Variants in CRYBG2 observed in about 807,000 individuals in gnomAD.
CRYBG2 encodes the protein crystallin beta-gamma domain containing 2.
A neutral mutation model predicts 153.4 loss-of-function variants in CRYBG2; 106 were observed. The observed-to-expected ratio is 0.69, with a 90% CI of 0.59 to 0.81. The LOEUF (loss-of-function observed/expected upper bound fraction) is 0.81, where lower values mean the gene tolerates loss of function less well. Ranked by LOEUF, CRYBG2 falls within the 30% of genes least tolerant of loss-of-function variation. The pLI is 0.00. For synonymous variants in CRYBG2, 851 were observed against 877.8 expected, an observed-to-expected ratio of 0.97 and a Z score of 0.54; for missense variants, 1,996 against 2,112.0, an observed-to-expected ratio of 0.95 and a Z score of 1.08.
intron 14 of CRYBG2, 127 bp downstream of exon 14, chr1:26,335,968 A>T: frequency 1.4e-6 from 1 of 705,252 alleles, no homozygotes; most frequent in Non-Finnish European, 2.2e-6. Flanking sequence ...ATTTTGTTTT[A>T]AAATTGCGCA....
intron 15 of CRYBG2, among the ~76,000 whole-genome samples, chr1:26,330,701 G>C (rs1221996441): frequency 7.9e-5 from 12 of 151,940 alleles, no homozygotes; most frequent in African/African-American, 2.7e-4. Flanking sequence ...ACCACACCTG[G>C]CTAATTTTTG....
chr1:26,347,717 C>A (rs1027521977), intron 1 of CRYBG2, among the ~76,000 whole-genome samples: 4 of 152,038 alleles, frequency 2.6e-5, no homozygotes, highest in Admixed American at 2.0e-4. Context: ...GTCTTGATCT[C>A]CTGACCTCAT....
intron 1 of CRYBG2, among the ~76,000 whole-genome samples, chr1:26,348,297 C>T (rs2074248894): frequency 6.6e-6 from 1 of 152,186 alleles, no homozygotes; most frequent in African/African-American, 2.4e-5. Flanking sequence ...TGGCTCACAC[C>T]TGTAATCCCA....
chr1:26,321,951 G>T lies in CRYBG2; in HGVS notation c.*17C>A. On this transcript the variant is annotated 3_prime_UTR_variant, in exon 20 of 20. Coordinates refer to ENST00000308182, the MANE Select transcript of CRYBG2 (RefSeq NM_001039775.4). ...CCCAGCAAAAGCCTCCAGGGCTGGA[G>T]GGTGAGGGGAAAAGTTTCAAAGCAC... 6.5e-7 allele frequency: 1 copy of T among 1,542,670 alleles called. No individual in the cohort carries two copies. The highest frequency in any genetic ancestry group is 8.8e-7 in the Non-Finnish European group (1 of 1,137,800).
intron 14 of CRYBG2, among the ~76,000 whole-genome samples, chr1:26,334,988 G>C (rs1036361441): frequency 6.6e-6 from 1 of 152,118 alleles, no homozygotes; most frequent in Non-Finnish European, 1.5e-5. Context: ...ACAGCATTCA[G>C]TGGTTTTTAC....
Position 26,343,407 on chromosome 1 carries a change from A to T in CRYBG2, c.2914-114T>A. On this transcript the variant is annotated intron_variant, in intron 2 of 19. Coordinates refer to ENST00000308182, the MANE Select transcript of CRYBG2 (RefSeq NM_001039775.4). The surrounding 1 kb of genome is among the most constrained non-coding windows in gnomAD (Gnocchi z 4.1). ...TCCCTATTAACCTCCACCCGCAAGG[A>T]GCTGGCGCATAGAGGATGCTCACAC... 1 of 1,267,342 alleles carries T rather than the reference A, an allele frequency of 7.9e-7. No individual in the cohort carries two copies. The highest frequency in any genetic ancestry group is 1.1e-6 in the Non-Finnish European group (1 of 893,002). The allele number at this position is 1,267,342 out of a possible 1,614,324, so 78.5% of individuals were successfully genotyped here. A position where few individuals can be genotyped will look rare whatever the true frequency, so the allele number is the denominator to read the frequency against.
Position 26,345,890 on chromosome 1 carries a change from G to A in CRYBG2, c.768C>T (p.Pro256=). 6.3e-7 allele frequency: 1 copy of A among 1,597,762 alleles called. No individual in the cohort carries two copies. Among genetic ancestry groups the A allele is most frequent in the South Asian group, 1.1e-5 (1 of 91,030 alleles). ...CTGTGCTCCTTGGCCCGCCAGCCGT[G>A]GGCCTGGGCAGGTGACTGGCAGGGG... ...HSPPASHLPR[P]TAGGPRSTGL... Residue 256 remains proline, a synonymous_variant, in exon 2 of 20, where the codon CCC becomes CCT. Transcript: ENST00000308182.
In CRYBG2 at chr1:26,328,242, G is replaced by A. The variant is rs766101116; in HGVS notation, c.4545C>T (p.Thr1515=). The stretch of plus-strand genomic sequence containing the variant: ...TGGGGTAGAGGGAGCCCACCCTCTG[G>A]GTGCCGCTGTAGGTCAGCCAGTTGG... ...EITNWLTYSG[T]QRVGSLYPIK... Residue 1515 remains threonine (T), a synonymous_variant, in exon 17 of 20, where the codon ACC becomes ACT. Transcript: ENST00000308182. 5 of 1,564,616 alleles carry A rather than the reference G, an allele frequency of 3.2e-6. No homozygotes were observed. The East Asian group carries it at 9.6e-5, about 30-fold the overall frequency.
chr1:26,346,495 A>G lies in CRYBG2; in HGVS notation c.163T>C (p.Phe55Leu), dbSNP rs2074223241. The change falls in exon 2 of 20, where the codon TTT (phenylalanine) becomes CTT (leucine). Residue 55 changes from phenylalanine to leucine, a missense_variant. Transcript: ENST00000308182. The surrounding 1 kb of genome is among the most constrained non-coding windows in gnomAD (Gnocchi z 4.9). ...ACTTCCTCTCGACGGCTGAACTCAA[A>G]CATCTCCTTCTGCGGGGCTTCCATC... ...AQMEAPQKEM[F>L]EFSRREEVEV... 2 of 1,612,630 alleles carry G rather than the reference A, an allele frequency of 1.2e-6. No homozygotes were observed. The highest frequency in any genetic ancestry group is 4.5e-5 in the East Asian group (2 of 44,858).
At chr1:26,351,309 C>T (rs2074284740) in intron 1 of CRYBG2, among the ~76,000 whole-genome samples, 2 of 152,200 alleles carry the variant, frequency 1.3e-5, no homozygotes, top group Non-Finnish European at 2.9e-5. Context: ...TCCTAAGCCC[C>T]TGTCCACCTG....
chr1:26,337,683 A>C lies in CRYBG2; in HGVS notation c.3508-9T>G. The C allele has an allele frequency of 6.2e-7, 1 of 1,609,556 alleles. No homozygotes were observed. Among genetic ancestry groups the C allele is most frequent in the Non-Finnish European group, 8.5e-7 (1 of 1,179,698 alleles). On this transcript the variant is annotated splice_polypyrimidine_tract_variant and intron_variant, in intron 8 of 19. Transcript: ENST00000308182. ...GCCTCATACACCACAGCCTGGGGGA[A>C]AGGGGCTGTCAGGAGTCATCTGGAC...
chr1:26,344,159 TTCC>T lies in CRYBG2; in HGVS notation c.2496_2498del (p.Glu833del), dbSNP rs199784730. On this transcript the variant is annotated inframe_deletion, in exon 2 of 20. Transcript: ENST00000308182. ...CGTCACTCAGATAGGGGTTCTCTGG[TTCC>T]TCCTCCTCCTCCTCCTCTTTCTCTT... The T allele has an allele frequency of 1.5e-4, 223 of 1,531,776 alleles. No individual in the cohort carries two copies. The highest frequency in any genetic ancestry group is 4.2e-4 in the East Asian group (17 of 40,828). 94.9% of individuals were successfully genotyped at this position (1,531,776 alleles called of 1,614,324 possible).
chr1:26,351,431 T>C (rs1570220910), intron 1 of CRYBG2, among the ~76,000 whole-genome samples: 1 of 152,272 alleles, frequency 6.6e-6, no homozygotes, highest in East Asian at 1.9e-4. Context: ...CAGTGCTAAT[T>C]GTATCAAGGG....
At chr1:26,337,986 T>C (rs755656251) in intron 8 of CRYBG2, 26 bp downstream of exon 8, 58 of 1,610,970 alleles carry the variant, frequency 3.6e-5, no homozygotes, top group Non-Finnish European at 4.8e-5. Flanking sequence ...AAAGGCCCTC[T>C]TTGGCTCTTA....
At chr1:26,349,930 T>C (rs2074269370) in intron 1 of CRYBG2, among the ~76,000 whole-genome samples, 1 of 145,048 alleles carries the variant, frequency 6.9e-6, no homozygotes, top group Admixed American at 7.2e-5. Context: ...TCCTCCCACC[T>C]CAGCCCACCG....
At chr1:26,353,657 A>G (rs1224849732) in intron 1 of CRYBG2, among the ~76,000 whole-genome samples, 1 of 152,148 alleles carries the variant, frequency 6.6e-6, no homozygotes, top group East Asian at 1.9e-4. Flanking sequence ...CAAGGCCCAG[A>G]GAGGTTAAGC....
At chr1:26,335,210 C>T (rs1247016492) in intron 14 of CRYBG2, among the ~76,000 whole-genome samples, 1 of 151,980 alleles carries the variant, frequency 6.6e-6, no homozygotes, top group Non-Finnish European at 1.5e-5. Flanking sequence ...GGCGCAGTGG[C>T]TCACGCCTGT....
intron 4 of CRYBG2, 51 bp downstream of exon 4, chr1:26,342,996 G>T: frequency 2.6e-6 from 4 of 1,535,574 alleles, no homozygotes; most frequent in Non-Finnish European, 3.5e-6. Flanking sequence ...ACTCCCCTCT[G>T]CATCCCCCCA....
Position 26,331,570 on chromosome 1 carries a change from G to A in CRYBG2, c.4233C>T (p.Leu1411=), listed in dbSNP as rs2073997607. ...ETNFEGDQHI[L]SEGEFPTLTA... The stretch of plus-strand genomic sequence containing the variant: ...TGAGAGTGGGGAACTCGCCCTCAGA[G>A]AGAATGTGCTGGTCACCCTCGAAGT... Residue 1411 remains leucine (L), a synonymous_variant, in exon 15 of 20, where the codon CTC becomes CTT. Coordinates refer to ENST00000308182, the MANE Select transcript of CRYBG2 (RefSeq NM_001039775.4). The A allele has an allele frequency of 1.2e-6, 2 of 1,614,144 alleles. No homozygotes were observed. Among genetic ancestry groups the A allele is most frequent in the Admixed American group, 3.3e-5 (2 of 60,032 alleles).
Sources: gnomAD v4.1 joint callset for allele counts (sites outside exome capture counted in the v4.1 genomes callset) on GRCh38, gnomAD v4.1.1 for gene constraint, Gnocchi (gnomAD v3.1) non-coding constraint, MANE v1.5 for transcripts, NCBI Gene and HGNC (gene_info 2026-07-23, HGNC 2026-07-21) for gene names.